Variants in SERPINA12 observed in about 807,000 individuals in gnomAD.
SERPINA12 encodes serpin family A member 12.
In SERPINA12, 21 loss-of-function variants were observed where a neutral mutation model predicts 25.9. The ratio of observed to expected loss-of-function variants is 0.81; its 90% CI spans 0.58 to 1.17. The LOEUF (loss-of-function observed/expected upper bound fraction) is 1.17, where lower values mean the gene tolerates loss of function less well. Ranked by LOEUF, SERPINA12 falls within the 50% of genes most tolerant of loss-of-function variation. SERPINA12 has a pLI of 0.00. For missense variants in SERPINA12, 562 were observed against 508.3 expected, an observed-to-expected ratio of 1.11 and a Z score of -1.02; for synonymous variants, 220 against 196.0, an observed-to-expected ratio of 1.12 and a Z score of -1.02.
chr14:94,503,474 C>T (rs932486818), intron 1 of SERPINA12: 1 of 228,178 alleles, frequency 4.4e-6, no homozygotes, highest in South Asian at 1.6e-4. Context: ...CCAACAAGCC[C>T]CACAGCCTTC....
At position 94,503,471 on chromosome 14, in the gene SERPINA12, G is replaced by T. The variant is rs1019737792; in HGVS notation, c.-33-5041C>A. ...TGCAGACTGACTCTCAGCCCAACAAGCCCCACAGCCTTCTCCAAACCCTCA... is the reference window on the plus strand; with the variant it reads ...TGCAGACTGACTCTCAGCCCAACAATCCCCACAGCCTTCTCCAAACCCTCA... On this transcript the variant is annotated intron_variant, in intron 1 of 4. Coordinates refer to ENST00000677451, the MANE Select transcript of SERPINA12 (RefSeq NM_001382267.1). 3.0e-5 allele frequency: 7 copies of T among 236,742 alleles called. No individual in the cohort carries two copies. In the East Asian group the frequency reaches 1.1e-3, roughly 37 times the overall value. The allele number at this position is 236,742 out of a possible 1,614,324, so 14.7% of individuals were successfully genotyped here. A position where few individuals can be genotyped will look rare whatever the true frequency, so the allele number is the denominator to read the frequency against.
intron 1 of SERPINA12, among the ~76,000 whole-genome samples, chr14:94,505,905 C>T (rs11627075): frequency 3.3e-5 from 5 of 152,150 alleles, no homozygotes; most frequent in Non-Finnish European, 7.4e-5. Context: ...AGGCGCTACA[C>T]CTGGGTTGGG....
In SERPINA12 at chr14:94,498,162, A is replaced by G; in HGVS notation, c.236T>C (p.Ile79Thr). Residue 79 changes from isoleucine to threonine, a missense_variant, in exon 2 of 5, where the codon ATC (isoleucine) becomes ACC (threonine). Physicochemically the swap from Ile to Thr is moderately conservative, Grantham distance 89. Coordinates refer to ENST00000677451, the MANE Select transcript of SERPINA12 (RefSeq NM_001382267.1). ...GRNIFLSPLSISTAFSMLCLG... is the reference protein window; with the variant it reads ...GRNIFLSPLSTSTAFSMLCLG... ...GCACAGCATGGAGAAAGCTGTAGAGATGCTCAAGGGGGATAGGAAGATGTT... is the reference window on the plus strand; with the variant it reads ...GCACAGCATGGAGAAAGCTGTAGAGGTGCTCAAGGGGGATAGGAAGATGTT... 3.1e-6 allele frequency: 5 copies of G among 1,614,154 alleles called. No individual in the cohort carries two copies. Among genetic ancestry groups the G allele is most frequent in the Non-Finnish European group, 3.4e-6 (4 of 1,180,028 alleles).
intron 3 of SERPINA12, among the ~76,000 whole-genome samples, chr14:94,494,610 G>A (rs908571672): frequency 6.6e-6 from 1 of 152,140 alleles, no homozygotes; most frequent in South Asian, 2.1e-4. Flanking sequence ...GCCACCCTAG[G>A]GCTTCAACCT....
upstream of SERPINA12, among the ~76,000 whole-genome samples, chr14:94,512,460 A>G (rs1352321695): frequency 6.6e-6 from 1 of 152,250 alleles, no homozygotes; most frequent in Non-Finnish European, 1.5e-5. Context: ...ATTAGTAGTA[A>G]TCATAGCAAT....
At chr14:94,490,422 C>T (rs1005295932) in intron 3 of SERPINA12, among the ~76,000 whole-genome samples, 1 of 152,022 alleles carries the variant, frequency 6.6e-6, no homozygotes, top group African/African-American at 2.4e-5. Flanking sequence ...CCAGGCTCTC[C>T]TGAGGTACCT....
Position 94,489,606 on chromosome 14 carries a change from C to A in SERPINA12, c.1053+14G>T, listed in dbSNP as rs1396374429. ...TGTGCTGCAGGGAGTGGAGTCCAGG[C>A]TAGGCAGGCTTACCTCGCCCACTTT... is the stretch of plus-strand genomic sequence containing the variant. On this transcript the variant is annotated intron_variant, in intron 4 of 4. Coordinates refer to ENST00000677451, the MANE Select transcript of SERPINA12 (RefSeq NM_001382267.1). 1.2e-6 allele frequency: 2 copies of A among 1,612,808 alleles called. No individual in the cohort carries two copies. Among genetic ancestry groups the A allele is most frequent in the Admixed American group, 1.7e-5 (1 of 59,928 alleles).
intron 3 of SERPINA12, among the ~76,000 whole-genome samples, chr14:94,495,314 CG>C (rs1900369089): frequency 6.6e-6 from 1 of 151,768 alleles, no homozygotes; most frequent in African/African-American, 2.4e-5. Flanking sequence ...GTGATCCGCC[CG>C]CCTCGGCCTC....
chr14:94,493,145 C>T (rs560576851), intron 3 of SERPINA12, among the ~76,000 whole-genome samples: 15 of 152,312 alleles, frequency 9.8e-5, no homozygotes, highest in East Asian at 1.9e-4. Flanking sequence ...TCTCCCATAG[C>T]GGGCCACTGA....
intron 1 of SERPINA12, among the ~76,000 whole-genome samples, chr14:94,499,039 G>C (rs987920248): frequency 3.3e-5 from 5 of 152,166 alleles, no homozygotes; most frequent in Admixed American, 3.3e-4. Context: ...AACTCAGTTT[G>C]CTACCCACTT....
chr14:94,492,563 A>G (rs775732073), intron 3 of SERPINA12, among the ~76,000 whole-genome samples: 6 of 152,216 alleles, frequency 3.9e-5, no homozygotes, highest in Non-Finnish European at 5.9e-5. Flanking sequence ...GATGGAAATG[A>G]TTCAGAAGAG....
At chr14:94,510,600 C>T (rs1365821734), upstream of SERPINA12, among the ~76,000 whole-genome samples, 1 of 152,198 alleles carries the variant, frequency 6.6e-6, no homozygotes, top group East Asian at 1.9e-4. Context: ...AGCAATCCCA[C>T]TACTGGGTAT....
intron 1 of SERPINA12, chr14:94,501,153 C>G (rs1013239603): frequency 6.1e-6 from 6 of 985,204 alleles, no homozygotes; most frequent in Non-Finnish European, 7.2e-6. Flanking sequence ...AGGAAGGAGT[C>G]CATTTCAGGG....
chr14:94,493,801 T>G (rs1900280240), intron 3 of SERPINA12, among the ~76,000 whole-genome samples: 1 of 152,206 alleles, frequency 6.6e-6, no homozygotes, highest in Non-Finnish European at 1.5e-5. Flanking sequence ...ACAGAAAATC[T>G]CAAAGGTTCT....
rs570329034 is a variant in SERPINA12, at chr14:94,497,938, C to A, written c.460G>T (p.Ala154Ser). The change falls in exon 2 of 5, where the codon GCC (alanine) becomes TCC (serine). Residue 154 changes from alanine to serine, a missense_variant. By Grantham distance (99) the Ala-to-Ser change is moderately conservative. Coordinates refer to ENST00000677451, the MANE Select transcript of SERPINA12 (RefSeq NM_001382267.1). ...LQPQRKFLED[A>S]KNFYSAETIL... ...GTTTCGGCACTGTAAAAGTTCTTGG[C>A]ATCTTCCAAAAACTTACGCTGTGGC... is the stretch of plus-strand genomic sequence containing the variant. The A allele has an allele frequency of 1.2e-6, 2 of 1,614,200 alleles. No individual in the cohort carries two copies. Among genetic ancestry groups the A allele is most frequent in the Non-Finnish European group, 1.7e-6 (2 of 1,180,036 alleles).
At chr14:94,495,415 G>A (rs1298480173) in intron 3 of SERPINA12, among the ~76,000 whole-genome samples, 1 of 152,174 alleles carries the variant, frequency 6.6e-6, no homozygotes, top group African/African-American at 2.4e-5. Context: ...TATAAGAGAT[G>A]CATTCTGGAA....
chr14:94,513,415 G>A (rs746186907), upstream of SERPINA12, among the ~76,000 whole-genome samples: 6 of 152,220 alleles, frequency 3.9e-5, no homozygotes, highest in Non-Finnish European at 8.8e-5. Flanking sequence ...GAGGACCTGA[G>A]AGCGGGAAAA....
At position 94,498,351 on chromosome 14, in the gene SERPINA12, G is replaced by T. The variant is rs536842833; in HGVS notation, c.47C>A (p.Thr16Lys). 1 of 1,614,116 alleles carries T rather than the reference G, an allele frequency of 6.2e-7. No homozygotes were observed. Among genetic ancestry groups the T allele is most frequent in the South Asian group, 1.1e-5 (1 of 91,070 alleles). The change falls in exon 2 of 5, where the codon ACG (threonine) becomes AAG (lysine). Residue 16 changes from threonine to lysine, a missense_variant. Coordinates refer to ENST00000677451, the MANE Select transcript of SERPINA12 (RefSeq NM_001382267.1). ...GLAIFLAVLL[T>K]VKGLLKPSFS... is the part of the protein sequence containing the mutation. ...GCTCGGCTTTAGAAGACCTTTCACC[G>T]TGAGGAGAACAGCCAGAAAAATGGC...
chr14:94,503,983 G>A (rs181590928), intron 1 of SERPINA12: 1 of 152,236 alleles, frequency 6.6e-6, no homozygotes, highest in African/African-American at 2.4e-5. Context: ...TTCAAGAGGG[G>A]TTTACCTGGA....
Sources: allele counts gnomAD v4.1 joint callset (sites outside exome capture counted in the v4.1 genomes callset), GRCh38; gene constraint gnomAD v4.1.1; transcripts MANE v1.5; gene names NCBI Gene and HGNC (gene_info 2026-07-23, HGNC 2026-07-21).